Variants in UBASH3B observed in about 807,000 individuals in gnomAD.
UBASH3B encodes the protein ubiquitin-associated and SH3 domain-containing protein B.
Under a neutral mutation model 83.4 loss-of-function variants are expected in UBASH3B, and 37 were observed. The observed-to-expected ratio is 0.44, with a 90% CI of 0.34 to 0.58. The LOEUF is 0.58. Among genes scored for constraint, UBASH3B ranks in the 20% least tolerant of loss-of-function variants. The pLI is 0.01. For synonymous variants in UBASH3B, 304 were observed against 318.3 expected, an observed-to-expected ratio of 0.96 and a Z score of 0.48; for missense variants, 657 against 827.2, an observed-to-expected ratio of 0.79 and a Z score of 2.52.
chr11:122,795,901 G>T (rs1861145886), intron 7 of UBASH3B, among the ~76,000 whole-genome samples: 1 of 152,170 alleles, frequency 6.6e-6, no homozygotes, highest in Non-Finnish European at 1.5e-5. Context: ...ATGGCCAAAT[G>T]CTACTCCTAC....
chr11:122,685,210 T>C (rs1254357774), intron 1 of UBASH3B, among the ~76,000 whole-genome samples: 1 of 152,312 alleles, frequency 6.6e-6, no homozygotes, highest in African/African-American at 2.4e-5. Flanking sequence ...ACAACTTGCC[T>C]TGTTTTTCTT....
Position 122,806,353 on chromosome 11 carries a change from T to C in UBASH3B, c.1596-57T>C. ...TGAAATAAAAGTTTAGAGTGATATC[T>C]TCCTTTGTCTCAAGATCAAAATGTT... is the stretch of plus-strand genomic sequence containing the variant. On this transcript the variant is annotated intron_variant, in intron 11 of 13. Transcript: ENST00000284273. This position sits in a 1 kb window ranked among gnomAD's most constrained non-coding sequence, Gnocchi z 4.0. 3 of 1,434,702 alleles carry C rather than the reference T, an allele frequency of 2.1e-6. No individual in the cohort carries two copies. The East Asian group carries it at 7.0e-5, about 33-fold the overall frequency. 88.9% of individuals were successfully genotyped at this position (1,434,702 alleles called of 1,614,324 possible).
intron 1 of UBASH3B, among the ~76,000 whole-genome samples, chr11:122,773,423 C>T (rs749717233): frequency 6.6e-5 from 10 of 152,354 alleles, no homozygotes; most frequent in Admixed American, 2.6e-4. Context: ...ACTCCTCGTG[C>T]AGCCTCCTGC....
intron 1 of UBASH3B, among the ~76,000 whole-genome samples, chr11:122,658,397 A>G (rs540642473): frequency 6.6e-6 from 1 of 152,342 alleles, no homozygotes; most frequent in East Asian, 1.9e-4. Flanking sequence ...TCCTGCTCTG[A>G]GTCCAGGAGG....
Position 122,806,408 on chromosome 11 carries a change from A to G in UBASH3B, c.1596-2A>G. 1 of 1,600,042 alleles carries G rather than the reference A, an allele frequency of 6.2e-7. No homozygotes were observed. Among genetic ancestry groups the G allele is most frequent in the Non-Finnish European group, 8.5e-7 (1 of 1,175,470 alleles). On this transcript the variant is annotated splice_acceptor_variant, in intron 11 of 13. Coordinates refer to ENST00000284273, the MANE Select transcript of UBASH3B (RefSeq NM_032873.5). LOFTEE classifies it high-confidence loss of function. The surrounding 1 kb of genome is among the most constrained non-coding windows in gnomAD (Gnocchi z 4.0). The stretch of plus-strand genomic sequence containing the variant: ...TTTCCTTTGTTCATTTTTCTATTAC[A>G]GACCTCACATTCCAATCAGCAAATT...
intron 5 of UBASH3B, among the ~76,000 whole-genome samples, chr11:122,785,321 G>A (rs1387140255): frequency 6.6e-6 from 1 of 152,092 alleles, no homozygotes; most frequent in East Asian, 1.9e-4. Context: ...GGTCCTACCT[G>A]AGCCGTCTGC....
At position 122,783,120 on chromosome 11, in the gene UBASH3B, C is replaced by T; in HGVS notation, c.669C>T (p.His223=). 1 of 1,614,212 alleles carries T rather than the reference C, an allele frequency of 6.2e-7. No individual in the cohort carries two copies. The highest frequency in any genetic ancestry group is 8.5e-7 in the Non-Finnish European group (1 of 1,180,034). The change falls in exon 5 of 14, where the codon CAC becomes CAT. Residue 223 remains histidine, a synonymous_variant. Transcript: ENST00000284273. ...TGGCTTACCACTTCCAAGCCAGCCA[C>T]CTACCCACCCTAGAGAAACTGGCCC... ...VTLAYHFQAS[H]LPTLEKLAQN...
chr11:122,792,440 C>T (rs1565567629), intron 6 of UBASH3B, among the ~76,000 whole-genome samples: 1 of 151,698 alleles, frequency 6.6e-6, no homozygotes, highest in African/African-American at 2.4e-5. Context: ...TGCCTCAGCC[C>T]CCCGAGTAGC....
At chr11:122,785,042 AGAAG>A (rs1301518059) in intron 5 of UBASH3B, among the ~76,000 whole-genome samples, 3 of 152,224 alleles carry the variant, frequency 2.0e-5, no homozygotes, top group African/African-American at 7.2e-5. Flanking sequence ...CCTTTCTAAG[AGAAG>A]GAAGGTGGCA....
chr11:122,655,834 C>G lies in UBASH3B; in HGVS notation c.-216C>G. The G allele has an allele frequency of 1.9e-6, 1 of 514,212 alleles. No homozygotes were observed. The highest frequency in any genetic ancestry group is 3.3e-6 in the Non-Finnish European group (1 of 303,172). 31.9% of individuals were successfully genotyped at this position (514,212 alleles called of 1,614,324 possible). ...GGGCCCGAGTGGCTGAGGCTGGTCC[C>G]GCAGCGGCCGCTTGCCGGCGTTCTG... is the stretch of plus-strand genomic sequence containing the variant. On this transcript the variant is annotated 5_prime_UTR_variant, in exon 1 of 14. Coordinates refer to ENST00000284273, the MANE Select transcript of UBASH3B (RefSeq NM_032873.5).
At chr11:122,751,264 G>A (rs1009005159) in intron 1 of UBASH3B, among the ~76,000 whole-genome samples, 2 of 152,218 alleles carry the variant, frequency 1.3e-5, no homozygotes, top group African/African-American at 4.8e-5. Flanking sequence ...TCCCTAAAAT[G>A]TGAAATTCCA....
Position 122,656,007 on chromosome 11 carries a change from T to C in UBASH3B, c.-43T>C. 1 of 1,146,150 alleles carries C rather than the reference T, an allele frequency of 8.7e-7. No homozygotes were observed. Among genetic ancestry groups the C allele is most frequent in the Non-Finnish European group, 1.2e-6 (1 of 862,770 alleles). The allele number at this position is 1,146,150 out of a possible 1,614,324, so 71.0% of individuals were successfully genotyped here. On this transcript the variant is annotated 5_prime_UTR_variant, in exon 1 of 14. Coordinates refer to ENST00000284273, the MANE Select transcript of UBASH3B (RefSeq NM_032873.5). ...CGACTCCCTCCTCCTTCCCGAACCATCCGGCTCGGGCTCCTTCCCTGGCGA... is the reference window on the plus strand; with the variant it reads ...CGACTCCCTCCTCCTTCCCGAACCACCCGGCTCGGGCTCCTTCCCTGGCGA...
At chr11:122,698,700 G>T (rs1863994385) in intron 1 of UBASH3B, among the ~76,000 whole-genome samples, 1 of 152,000 alleles carries the variant, frequency 6.6e-6, no homozygotes, top group South Asian at 2.1e-4. Flanking sequence ...AACTCCCAAT[G>T]ATCCCACAGC....
intron 1 of UBASH3B, among the ~76,000 whole-genome samples, chr11:122,685,525 T>C (rs1863798147): frequency 6.6e-6 from 1 of 152,186 alleles, no homozygotes; most frequent in African/African-American, 2.4e-5. Context: ...ACTTCTTTTT[T>C]ACTATTATTA....
At position 122,705,465 on chromosome 11, in the gene UBASH3B, A is replaced by AAG. The variant is rs899155012; in HGVS notation, c.161+49256_161+49257insGA. On this transcript the variant is annotated intron_variant, in intron 1 of 13. Transcript: ENST00000284273. ...TGTCTCGAAAAACATAAAAAAAAAA[A>AAG]AAAAAAGAAAAAAAGAAAAAAATCT... 2.6e-5 allele frequency among the ~76,000 whole-genome samples: 4 copies of AAG among 151,738 alleles called. No homozygotes were observed. In the South Asian group the frequency reaches 6.2e-4, roughly 24 times the overall value.
At position 122,655,851 on chromosome 11, in the gene UBASH3B, G is replaced by A; in HGVS notation, c.-199G>A. On this transcript the variant is annotated 5_prime_UTR_variant, in exon 1 of 14. Transcript: ENST00000284273. ...GCTGGTCCCGCAGCGGCCGCTTGCC[G>A]GCGTTCTGGCTCCTGTGGCCTCACC... 1.8e-6 allele frequency: 1 copy of A among 558,904 alleles called. No individual in the cohort carries two copies. The highest frequency in any genetic ancestry group is 2.9e-6 in the Non-Finnish European group (1 of 345,188). The allele number at this position is 558,904 out of a possible 1,614,324, so 34.6% of individuals were successfully genotyped here. A position where few individuals can be genotyped will look rare whatever the true frequency, so the allele number is the denominator to read the frequency against.
At chr11:122,699,499 ATCTT>A (rs58896995) in intron 1 of UBASH3B, among the ~76,000 whole-genome samples, 2,542 of 138,166 alleles carry the variant, frequency 0.018, 55 homozygotes, top group African/African-American at 0.052. Context: ...TTCTTTTTAA[ATCTT>A]TCTTTCTTTC....
intron 1 of UBASH3B, 119 bp from the exon 2 acceptor site, chr11:122,776,100 A>G: frequency 1.2e-6 from 1 of 849,626 alleles, no homozygotes; most frequent in South Asian, 1.7e-5. Flanking sequence ...TCTACTCCCC[A>G]CCACAGAGGA....
chr11:122,777,663 A>G (rs576555458), intron 3 of UBASH3B, among the ~76,000 whole-genome samples: 25 of 152,128 alleles, frequency 1.6e-4, no homozygotes, highest in African/African-American at 5.5e-4. Flanking sequence ...ATGCAAAGAT[A>G]TTTACTTGCC....
Sources: gnomAD v4.1 joint callset for allele counts (sites outside exome capture counted in the v4.1 genomes callset) on GRCh38, gnomAD v4.1.1 for gene constraint, Gnocchi (gnomAD v3.1) non-coding constraint, MANE v1.5 for transcripts, NCBI Gene and HGNC (gene_info 2026-07-23, HGNC 2026-07-21) for gene names.